Variants in AJAP1 observed in about 807,000 individuals in gnomAD.
The protein encoded by AJAP1 is adherens junctions associated protein 1.
In AJAP1, 5 loss-of-function variants were observed where a neutral mutation model predicts 35.0. The observed-to-expected ratio is 0.14, with a 90% CI of 0.07 to 0.30. AJAP1 has a LOEUF of 0.30. Among genes scored for constraint, AJAP1 ranks in the 10% least tolerant of loss-of-function variants. The pLI is 1.00. For missense variants in AJAP1, 586 were observed against 571.0 expected (o/e 1.03, Z -0.27); for synonymous variants, 284 against 249.3 (o/e 1.14, Z -1.31).
chr1:4,765,503 T>TGAGTGAAGAAGGAGAGACAC (rs1641663892), intron 2 of AJAP1, among the ~76,000 whole-genome samples: 1 of 151,956 alleles, frequency 6.6e-6, no homozygotes, highest in African/African-American at 2.4e-5. Flanking sequence ...AGGAGAGACA[T>TGAGTGAAGAAGGAGAGACAC]GAGTGAAGAA....
intron 2 of AJAP1, among the ~76,000 whole-genome samples, chr1:4,758,519 A>AAG (rs969717928): frequency 2.0e-5 from 3 of 152,154 alleles, no homozygotes; most frequent in Non-Finnish European, 4.4e-5. Context: ...GAAGCGGGGA[A>AAG]AGAGCCCCTT....
intron 1 of AJAP1, among the ~76,000 whole-genome samples, chr1:4,711,510 T>C (rs913883838): frequency 6.6e-6 from 1 of 152,166 alleles, no homozygotes; most frequent in Non-Finnish European, 1.5e-5. Context: ...CGTCGTGTGA[T>C]GGGCAAAAGG....
chr1:4,654,930 GCGTCA>G lies in AJAP1; in HGVS notation c.-494_-490del. 6.7e-6 allele frequency: 1 copy of G among 149,598 alleles called. No individual in the cohort carries two copies. The highest frequency in any genetic ancestry group is 2.1e-4 in the South Asian group (1 of 4,820). The allele number at this position is 149,598 out of a possible 1,614,324, so 9.3% of individuals were successfully genotyped here. The stretch of plus-strand genomic sequence containing the variant: ...GAGGGGACTCGCGTCCGTCCGCGTC[GCGTCA>G]CCCCAAACCCTAAGCAGCGCCGCCC... On this transcript the variant is annotated 5_prime_UTR_variant, in exon 1 of 6. Transcript: ENST00000378191. This position sits in a 1 kb window ranked among gnomAD's most constrained non-coding sequence, Gnocchi z 5.1.
At chr1:4,729,622 G>C (rs1207923767) in intron 2 of AJAP1, among the ~76,000 whole-genome samples, 1 of 152,244 alleles carries the variant, frequency 6.6e-6, no homozygotes, top group Non-Finnish European at 1.5e-5. Flanking sequence ...TCTTTCCTCT[G>C]TGCGTGTCTG....
chr1:4,674,845 T>C (rs1218365625), intron 1 of AJAP1, among the ~76,000 whole-genome samples: 1 of 152,270 alleles, frequency 6.6e-6, no homozygotes. Context: ...CCTTGCTTCA[T>C]CTGCACGCGC....
intron 5 of AJAP1, among the ~76,000 whole-genome samples, chr1:4,778,397 A>G (rs1641980854): frequency 6.6e-6 from 1 of 152,212 alleles, no homozygotes. Flanking sequence ...TGGCGCAGAA[A>G]AACACAAGCA....
chr1:4,668,984 A>G (rs1266831748), intron 1 of AJAP1, among the ~76,000 whole-genome samples: 1 of 152,236 alleles, frequency 6.6e-6, no homozygotes, highest in Non-Finnish European at 1.5e-5. Context: ...GAGTCAGTCA[A>G]TGAGAGGGAC....
At chr1:4,727,400 T>A (rs1019440372) in intron 2 of AJAP1, among the ~76,000 whole-genome samples, 1 of 152,198 alleles carries the variant, frequency 6.6e-6, no homozygotes, top group Non-Finnish European at 1.5e-5. Context: ...CGGAGAAAGC[T>A]AATGTCTCCC....
rs148753165 is a variant in AJAP1, at chr1:4,711,990, C to T, written c.120C>T (p.Ala40=). The T allele has an allele frequency of 1.9e-6, 3 of 1,593,586 alleles. No individual in the cohort carries two copies. The highest frequency in any genetic ancestry group is 1.4e-5 in the African/African-American group (1 of 72,398). The stretch of plus-strand genomic sequence containing the variant: ...TTCAGCTCGCCGTGGACCTGCCCGC[C>T]TGTGAGGCCCTGGGCCCGGGGCCGG... The part of the protein sequence containing the change: ...AMFQLAVDLP[A]CEALGPGPEF... The change falls in exon 2 of 6, where the codon GCC becomes GCT. Residue 40 remains alanine (A), a synonymous_variant. Coordinates refer to ENST00000378191, the MANE Select transcript of AJAP1 (RefSeq NM_018836.4).
intron 5 of AJAP1, chr1:4,777,255 C>G (rs1641957839): frequency 6.6e-6 from 1 of 152,216 alleles, no homozygotes; most frequent in Non-Finnish European, 1.5e-5. Flanking sequence ...CAGTGGAGCT[C>G]TTTCTCTCTC....
chr1:4,727,220 G>A lies in AJAP1; in HGVS notation c.829+14521G>A, dbSNP rs12079817. On this transcript the variant is annotated intron_variant, in intron 2 of 5. Coordinates refer to ENST00000378191, the MANE Select transcript of AJAP1 (RefSeq NM_018836.4). ...CTGCATCTTTGCAGCCCAGCGGGCA[G>A]CAGGAGAGGCCAGGAGGAGCCTCAC... is the stretch of plus-strand genomic sequence containing the variant. 5.7e-3 allele frequency among the ~76,000 whole-genome samples: 875 copies of A among 152,328 alleles called. 4 individuals are homozygous for A. The highest frequency in any genetic ancestry group is 0.02 in the African/African-American group (843 of 41,586).
chr1:4,761,257 G>A (rs1570208541), intron 2 of AJAP1, among the ~76,000 whole-genome samples: 1 of 152,360 alleles, frequency 6.6e-6, no homozygotes, highest in East Asian at 1.9e-4. Context: ...GCCCTGAGAA[G>A]GAAAGGTGGA....
At chr1:4,774,296 A>G (rs1641899472) in intron 4 of AJAP1, 131 bp from the exon 5 acceptor site, 2 of 780,016 alleles carry the variant, frequency 2.6e-6, no homozygotes, top group Admixed American at 2.3e-5. Context: ...CCTTCCTGGC[A>G]AGGCCAGGAG....
At chr1:4,703,962 TAG>T (rs1640045296) in intron 1 of AJAP1, among the ~76,000 whole-genome samples, 1 of 152,182 alleles carries the variant, frequency 6.6e-6, no homozygotes, top group Non-Finnish European at 1.5e-5. Context: ...CCGGGCAGCC[TAG>T]GGCCCTCTAC....
At chr1:4,698,198 C>T (rs900181521) in intron 1 of AJAP1, among the ~76,000 whole-genome samples, 3 of 152,168 alleles carry the variant, frequency 2.0e-5, no homozygotes, top group Admixed American at 6.5e-5. Flanking sequence ...GTTCTTTGCT[C>T]GTCACCATGA....
intron 2 of AJAP1, among the ~76,000 whole-genome samples, chr1:4,759,038 T>A (rs1290542897): frequency 6.6e-6 from 1 of 152,162 alleles, no homozygotes; most frequent in Non-Finnish European, 1.5e-5. Context: ...CTTGGTCACG[T>A]TCATTATATT....
intron 2 of AJAP1, among the ~76,000 whole-genome samples, chr1:4,743,422 T>C (rs1050610827): frequency 6.6e-6 from 1 of 152,114 alleles, no homozygotes; most frequent in Non-Finnish European, 1.5e-5. Context: ...GGGAAGGGGC[T>C]TAGGATGGGT....
intron 2 of AJAP1, among the ~76,000 whole-genome samples, chr1:4,731,119 C>T (rs570881574): frequency 1.9e-4 from 29 of 152,234 alleles, no homozygotes; most frequent in Non-Finnish European, 3.4e-4. Context: ...CTTGCTCTGT[C>T]GCCCAGGCTA....
Position 4,772,320 on chromosome 1 carries a change from C to A in AJAP1, c.958C>A (p.Arg320=). 1 of 1,614,170 alleles carries A rather than the reference C, an allele frequency of 6.2e-7. No individual in the cohort carries two copies. Among genetic ancestry groups the A allele is most frequent in the Non-Finnish European group, 8.5e-7 (1 of 1,180,036 alleles). ...GAACACTCGTCGGAACAGCCACCAG[C>A]GGAAGACCAACCAGCAGGAGGAGAG... ...SGNTRRNSHQ[R]KTNQQEESCQ... is the part of the protein sequence containing the mutation. The change falls in exon 4 of 6, where the codon CGG becomes AGG. Residue 320 remains arginine (R), a synonymous_variant. Coordinates refer to ENST00000378191, the MANE Select transcript of AJAP1 (RefSeq NM_018836.4).
Sources: gnomAD v4.1 joint callset for allele counts (sites outside exome capture counted in the v4.1 genomes callset) on GRCh38, gnomAD v4.1.1 for gene constraint, Gnocchi (gnomAD v3.1) non-coding constraint, MANE v1.5 for transcripts, NCBI Gene and HGNC (gene_info 2026-07-23, HGNC 2026-07-21) for gene names.